The following TPM1 variants were observed in gnomAD, a reference collection of about 807,000 sequenced individuals.
The protein encoded by TPM1 is tropomyosin alpha-1 chain.
In TPM1, 24 loss-of-function variants were observed where a neutral mutation model predicts 42.9. The ratio of observed to expected loss-of-function variants is 0.56; its 90% CI spans 0.41 to 0.79. The LOEUF (loss-of-function observed/expected upper bound fraction) is 0.79. Among genes scored for constraint, TPM1 ranks in the 30% least tolerant of loss-of-function variants. TPM1 has a pLI of 0.00. For synonymous variants in TPM1, 136 were observed against 130.1 expected, an observed-to-expected ratio of 1.05 and a Z score of -0.31; for missense variants, 158 against 351.8, an observed-to-expected ratio of 0.45 and a Z score of 4.41.
intron 4 of TPM1, among the ~76,000 whole-genome samples, 180 bp from the exon 5 acceptor site, chr15:63,060,689 C>T (rs1321439109): frequency 6.6e-6 from 1 of 151,964 alleles, no homozygotes; most frequent in East Asian, 1.9e-4. Context: ...AGCCTCTGAT[C>T]TCCTCTCTGC....
chr15:63,043,295 C>T, intron 1 of TPM1: 1 of 516,304 alleles, frequency 1.9e-6, no homozygotes, highest in East Asian at 4.4e-5. Flanking sequence ...GAAAGGGGGT[C>T]GAGTAACTCA....
At chr15:63,055,367 A>T (rs2034619628) in intron 2 of TPM1, among the ~76,000 whole-genome samples, 1 of 152,338 alleles carries the variant, frequency 6.6e-6, no homozygotes, top group South Asian at 2.1e-4. Flanking sequence ...CTTCCCAGAT[A>T]AAACTTGGCA....
In TPM1 at chr15:63,043,014, C is replaced by T. The variant is rs1596297992; in HGVS notation, c.114+71C>T. On this transcript the variant is annotated intron_variant, in intron 1 of 9. Coordinates refer to ENST00000403994, the MANE Select transcript of TPM1 (RefSeq NM_001018005.2). ...TCGAGCCTGGCACCCCCGGCTGGAT[C>T]CCCACCCCGAGGACTCGGGGAGCCA... 8.5e-6 allele frequency: 12 copies of T among 1,404,942 alleles called. No homozygotes were observed. In the East Asian group the frequency reaches 1.5e-4, roughly 18 times the overall value. The allele number at this position is 1,404,942 out of a possible 1,614,324, so 87.0% of individuals were successfully genotyped here.
At chr15:63,065,869 T>C (rs76959217) in intron 9 of TPM1, 27 bp from the exon 10 acceptor site, 5 of 1,605,922 alleles carry the variant, frequency 3.1e-6, no homozygotes, top group South Asian at 1.1e-5. Flanking sequence ...ACTTTTTTTT[T>C]CCTCCCACCT....
chr15:63,064,896 G>A, intron 9 of TPM1: 1 of 704,828 alleles, frequency 1.4e-6, no homozygotes, highest in Non-Finnish European at 1.7e-6. Context: ...GAACCCGGGA[G>A]GTGGAGCTTG....
At chr15:63,055,595 C>T (rs1040465964) in intron 2 of TPM1, 3 of 152,186 alleles carry the variant, frequency 2.0e-5, no homozygotes, top group Non-Finnish European at 4.4e-5. Flanking sequence ...TGGATGTGAG[C>T]AGCTTACAGT....
chr15:63,055,210 T>C, intron 2 of TPM1, among the ~76,000 whole-genome samples: 1 of 152,230 alleles, frequency 6.6e-6, no homozygotes, highest in Non-Finnish European at 1.5e-5. Context: ...GGCAGTACAG[T>C]TGTAAATGCT....
chr15:63,050,111 A>G (rs1253271068), intron 2 of TPM1, among the ~76,000 whole-genome samples: 3 of 152,210 alleles, frequency 2.0e-5, no homozygotes, highest in Admixed American at 6.5e-5. Flanking sequence ...TTACTATGTA[A>G]AGACAGTACA....
intron 1 of TPM1, chr15:63,043,614 G>T: frequency 6.5e-7 from 1 of 1,527,232 alleles, no homozygotes. Flanking sequence ...CCCCGAGCCC[G>T]AGGGGCCCCA....
intron 8 of TPM1, 47 bp downstream of exon 8, chr15:63,062,692 C>T: frequency 6.2e-7 from 1 of 1,613,936 alleles, no homozygotes; most frequent in Non-Finnish European, 8.5e-7. Context: ...TGGTTGAATA[C>T]CAACCTGGCA....
chr15:63,069,861 C>T (rs780939471), downstream of TPM1: 1 of 1,614,022 alleles, frequency 6.2e-7, no homozygotes, highest in Non-Finnish European at 8.5e-7. Flanking sequence ...TGCTTGCTGA[C>T]CTGTACAGAT....
chr15:63,062,863 A>C, intron 8 of TPM1: 1 of 1,520,602 alleles, frequency 6.6e-7, no homozygotes, highest in Non-Finnish European at 8.8e-7. Context: ...ATAGTGGCAA[A>C]TGCCATCCAG....
rs1477561695 is a variant in TPM1, at chr15:63,057,016, G to A, written c.272G>A (p.Arg91His). The change falls in exon 3 of 10, where the codon CGC (arginine) becomes CAC (histidine). Residue 91 changes from arginine to histidine, a missense_variant. By Grantham distance (29) the Arg-to-His change is conservative. This residue lies in a region of TPM1 where 65 missense variants were observed against 208.8 expected (regional missense o/e 0.31). Transcript: ENST00000403994. Reference protein sequence around the residue: ...AEADVASLNRRIQLVEEELDR... With the variant: ...AEADVASLNRHIQLVEEELDR... ...GCCGACGTAGCTTCTCTGAACAGAC[G>A]CATCCAGCTGGTTGAGGAAGAGTTG... 1.1e-5 allele frequency: 17 copies of A among 1,614,182 alleles called. No homozygotes were observed. Among genetic ancestry groups the A allele is most frequent in the East Asian group, 2.2e-5 (1 of 44,884 alleles).
Position 63,066,082 on chromosome 15 carries a change from CT to C in TPM1, c.*184del. Reference sequence around the variant, plus strand: ...TCTTCGTTTCAGTGTCAAATAAACACTGTGTAAGCTATTTCTGTTTGCTATT... The same window carrying C: ...TCTTCGTTTCAGTGTCAAATAAACACGTGTAAGCTATTTCTGTTTGCTATT... On this transcript the variant is annotated 3_prime_UTR_variant, in exon 10 of 10. Coordinates refer to ENST00000403994, the MANE Select transcript of TPM1 (RefSeq NM_001018005.2). 1.3e-6 allele frequency: 2 copies of C among 1,515,866 alleles called. No individual in the cohort carries two copies. The highest frequency in any genetic ancestry group is 2.5e-5 in the South Asian group (2 of 78,802). The allele number at this position is 1,515,866 out of a possible 1,614,324, so 93.9% of individuals were successfully genotyped here. A position where few individuals can be genotyped will look rare whatever the true frequency, so the allele number is the denominator to read the frequency against.
intron 7 of TPM1, 113 bp from the exon 8 acceptor site, chr15:63,062,463 T>A: frequency 7.3e-7 from 1 of 1,368,886 alleles, no homozygotes; most frequent in Non-Finnish European, 1.0e-6. Flanking sequence ...GACAAGTAGT[T>A]TCTGATCCAT....
At chr15:63,052,490 T>C (rs962582242) in intron 2 of TPM1, among the ~76,000 whole-genome samples, 1 of 151,802 alleles carries the variant, frequency 6.6e-6, no homozygotes, top group Admixed American at 6.6e-5. Context: ...GCCACTGCAC[T>C]CCAGCCTGGG....
chr15:63,050,399 C>T (rs887853456), intron 2 of TPM1, among the ~76,000 whole-genome samples: 2 of 152,220 alleles, frequency 1.3e-5, no homozygotes, highest in African/African-American at 4.8e-5. Flanking sequence ...TCTCCTCACC[C>T]TGCTAAGAAA....
intron 8 of TPM1, chr15:63,063,135 T>C (rs2035874534): frequency 1.0e-6 from 1 of 982,372 alleles, no homozygotes; most frequent in Non-Finnish European, 1.2e-6. Context: ...GAGGGAAAAA[T>C]TATACTTAAG....
At chr15:63,047,418 C>T (rs1449974253) in intron 2 of TPM1, 3 of 152,206 alleles carry the variant, frequency 2.0e-5, no homozygotes, top group East Asian at 1.9e-4. Context: ...TTTAAGAATA[C>T]AGCTCAAGGG....
Sources: allele counts gnomAD v4.1 joint callset (sites outside exome capture counted in the v4.1 genomes callset), GRCh38; gene constraint gnomAD v4.1.1; regional missense constraint gnomAD v4.1.1; transcripts MANE v1.5; gene names NCBI Gene and HGNC (gene_info 2026-07-23, HGNC 2026-07-21).